Variants in ARHGAP9 observed in about 807,000 individuals in gnomAD.
ARHGAP9 encodes the protein Rho GTPase activating protein 9.
ARHGAP9 carries 76 observed loss-of-function variants against 87.3 expected under a neutral mutation model. The observed-to-expected ratio is 0.87, with a 90% CI of 0.72 to 1.05. The LOEUF (loss-of-function observed/expected upper bound fraction) is 1.05, where lower values mean the gene tolerates loss of function less well. Ranked by LOEUF, ARHGAP9 falls within the 50% of genes least tolerant of loss-of-function variation. The pLI is 0.00. For synonymous variants in ARHGAP9, 382 were observed against 394.9 expected, an observed-to-expected ratio of 0.97 and a Z score of 0.39; for missense variants, 941 against 960.5, an observed-to-expected ratio of 0.98 and a Z score of 0.27.
At chr12:57,474,343 A>G (rs1425688622) in intron 15 of ARHGAP9, 80 bp downstream of exon 15, 1 of 1,592,008 alleles carries the variant, frequency 6.3e-7, no homozygotes, top group Non-Finnish European at 8.6e-7. Flanking sequence ...CCTCCCAGGA[A>G]TAGTACATGG....
At chr12:57,479,562 C>G in intron 1 of ARHGAP9, 138 bp from the exon 2 acceptor site, 1 of 1,505,816 alleles carries the variant, frequency 6.6e-7, no homozygotes. Flanking sequence ...GTAGAGCAAA[C>G]AGCCTGGTGA....
intron 12 of ARHGAP9, 142 bp from the exon 13 acceptor site, chr12:57,475,115 CT>C: frequency 9.1e-7 from 1 of 1,098,628 alleles, no homozygotes; most frequent in Non-Finnish European, 1.3e-6. Context: ...CTCCACCTCC[CT>C]TCCCCTGCTT....
At chr12:57,475,445 T>C (rs1417176265) in intron 11 of ARHGAP9, 38 bp downstream of exon 11, 7 of 1,577,756 alleles carry the variant, frequency 4.4e-6, no homozygotes, top group Non-Finnish European at 6.0e-6. Context: ...GGAGCCTCGC[T>C]GCGCTCCCGG....
chr12:57,488,033 G>A, intron 1 of ARHGAP9: 1 of 1,482,144 alleles, frequency 6.7e-7, no homozygotes, highest in Non-Finnish European at 9.4e-7. Context: ...CGCGGAGGCC[G>A]CTGAACTCAG....
At chr12:57,477,881 C>T in intron 3 of ARHGAP9, 1 of 1,376,158 alleles carries the variant, frequency 7.3e-7, no homozygotes, top group Non-Finnish European at 9.4e-7. Context: ...TTTCTTTGCT[C>T]TTCTCCTCAC....
chr12:57,477,387 C>T (rs1270526657), intron 4 of ARHGAP9, 72 bp downstream of exon 4: 6 of 1,559,504 alleles, frequency 3.8e-6, no homozygotes, highest in Non-Finnish European at 5.3e-6. Context: ...AGAGAAAACA[C>T]ACTACCTTGA....
In ARHGAP9 at chr12:57,485,581, A is replaced by G. The variant is rs548042954; in HGVS notation, c.-203-1618T>C. Among the ~76,000 whole-genome samples, 12 of 148,838 alleles carry G rather than the reference A, an allele frequency of 8.1e-5. 1 individual carries two copies. The South Asian group carries it at 2.4e-3, about 29-fold the overall frequency. On this transcript the variant is annotated intron_variant, in intron 1 of 20. Transcript: ENST00000393797. Reference sequence around the variant, plus strand: ...GAAAAAAAAAAAAAACAAAAAAACTATTTTTTTTATGTTGGCCAGGCAGTC... The same window carrying G: ...GAAAAAAAAAAAAAACAAAAAAACTGTTTTTTTTATGTTGGCCAGGCAGTC...
chr12:57,474,194 T>C lies in ARHGAP9; in HGVS notation c.1784-18A>G, dbSNP rs1176165914. 1.2e-6 allele frequency: 2 copies of C among 1,603,858 alleles called. No individual in the cohort carries two copies. The highest frequency in any genetic ancestry group is 3.4e-5 in the Admixed American group (2 of 58,442). On this transcript the variant is annotated intron_variant, in intron 15 of 17. Transcript: ENST00000393791. ...CCGACCTTCTGGAGGGAGAAGGAGG[T>C]ATAGGGGCTCATGAAGGGCCAGAAA...
chr12:57,484,995 G>A (rs1875291056), intron 1 of ARHGAP9, among the ~76,000 whole-genome samples: 1 of 149,820 alleles, frequency 6.7e-6, no homozygotes, highest in Admixed American at 6.7e-5. Context: ...GTCCAGGCTG[G>A]AGTGCAATGG....
Position 57,479,193 on chromosome 12 carries a change from T to C in ARHGAP9, c.214A>G (p.Thr72Ala), listed in dbSNP as rs773388763. The C allele has an allele frequency of 1.9e-6, 3 of 1,613,798 alleles. No homozygotes were observed. In the South Asian group the frequency reaches 3.3e-5, roughly 18 times the overall value. ...GCTGGGACGAAGATGGGTCGAGAGG[T>C]GGAGGGAGCTTCTAGGCGTCTTGCC... ...WLARRLEAPS[T>A]SRPIFVPAAY... Residue 72 changes from threonine (T) to alanine (A), a missense_variant, in exon 2 of 18, where the codon ACC becomes GCC. Thr to Ala is a moderately conservative substitution (Grantham distance 58). Transcript: ENST00000393791.
At chr12:57,478,454 T>C (rs1874523978) in intron 3 of ARHGAP9, 86 bp downstream of exon 3, 2 of 1,317,558 alleles carry the variant, frequency 1.5e-6, no homozygotes, top group Non-Finnish European at 2.2e-6. Context: ...TTTGTGTTTG[T>C]CATCCCCAGG....
chr12:57,473,747 G>A (rs1413701706), intron 16 of ARHGAP9, 39 bp from the exon 17 acceptor site: 1 of 1,570,352 alleles, frequency 6.4e-7, no homozygotes, highest in East Asian at 2.2e-5. Context: ...AGTAAGGTTA[G>A]GGAAGGTGCT....
At position 57,475,503 on chromosome 12, in the gene ARHGAP9, A is replaced by G; in HGVS notation, c.1424T>C (p.Leu475Pro). The change falls in exon 11 of 18, where the codon CTC becomes CCC. Residue 475 changes from leucine (L) to proline (P), a missense_variant. Transcript: ENST00000393791. ...CTCACTGGAGCTCCGGCGGCTGCTG[A>G]GGCGCAGCAGCGGCTTGGACACCAG... ...SELVSKPLLR[L>P]SSRRSSIRGP... is the part of the protein sequence containing the mutation. 1 of 1,605,246 alleles carries G rather than the reference A, an allele frequency of 6.2e-7. No individual in the cohort carries two copies. Among genetic ancestry groups the G allele is most frequent in the Non-Finnish European group, 8.5e-7 (1 of 1,176,774 alleles).
intron 14 of ARHGAP9, 31 bp downstream of exon 14, chr12:57,474,595 A>G (rs1436628575): frequency 6.2e-7 from 1 of 1,613,992 alleles, no homozygotes; most frequent in Non-Finnish European, 8.5e-7. Flanking sequence ...AGACATTCTT[A>G]GTACAACCAC....
At chr12:57,480,523 G>A (rs780935081), upstream of ARHGAP9, among the ~76,000 whole-genome samples, 5 of 152,240 alleles carry the variant, frequency 3.3e-5, no homozygotes, top group African/African-American at 7.2e-5. Flanking sequence ...TGCCTCCTGC[G>A]TGCAAGGAGC....
In ARHGAP9 at chr12:57,472,389, C is replaced by A. The variant is rs578020149; in HGVS notation, c.*128G>T. The A allele has an allele frequency of 1.8e-5, 22 of 1,235,836 alleles. No individual in the cohort carries two copies. The African/African-American group carries it at 3.2e-4, about 18-fold the overall frequency. 76.6% of individuals were successfully genotyped at this position (1,235,836 alleles called of 1,614,324 possible). On this transcript the variant is annotated 3_prime_UTR_variant, in exon 18 of 18. Transcript: ENST00000393791. ...GAAGCTCCCTCACCCATCCCAACAC[C>A]TCAAGTCACACTCATGAAGATAGAG...
At chr12:57,480,899 C>T (rs1341815948), upstream of ARHGAP9, 45 of 1,471,112 alleles carry the variant, frequency 3.1e-5, no homozygotes, top group South Asian at 5.0e-4. Context: ...TATCAGAGAG[C>T]CAGCTCTCTT....
chr12:57,483,322 A>G (rs773517192), upstream of ARHGAP9, among the ~76,000 whole-genome samples: 2 of 152,078 alleles, frequency 1.3e-5, no homozygotes, highest in African/African-American at 2.4e-5. Flanking sequence ...TATTTTCCCA[A>G]TCTACCTACT....
At chr12:57,487,720 G>A (rs764262708) in intron 1 of ARHGAP9, 9 of 207,314 alleles carry the variant, frequency 4.3e-5, no homozygotes, top group Non-Finnish European at 7.8e-5. Flanking sequence ...GTGGTGGCAC[G>A]TGCCTGTAGT....
Sources: allele counts gnomAD v4.1 joint callset (sites outside exome capture counted in the v4.1 genomes callset), GRCh38; gene constraint gnomAD v4.1.1; transcripts MANE v1.5; gene names NCBI Gene and HGNC (gene_info 2026-07-23, HGNC 2026-07-21).